Variants in CLUAP1 observed in about 807,000 individuals in gnomAD.
CLUAP1 encodes the protein clusterin-associated protein 1.
In CLUAP1, 50 loss-of-function variants were observed where a neutral mutation model predicts 55.0. That is an observed-to-expected ratio of 0.91 (90% CI 0.72 to 1.15). The LOEUF (loss-of-function observed/expected upper bound fraction) is 1.15. CLUAP1 is among the 50% of genes most tolerant of loss of function. CLUAP1 has a pLI of 0.00. For missense variants in CLUAP1, 530 were observed against 507.6 expected (o/e 1.04, Z -0.42); for synonymous variants, 195 against 175.4 (o/e 1.11, Z -0.88).
chr16:3,499,399 G>C (rs1411148842), upstream of CLUAP1, among the ~76,000 whole-genome samples: 1 of 152,206 alleles, frequency 6.6e-6, no homozygotes, highest in Non-Finnish European at 1.5e-5. Context: ...GCATTGTCAA[G>C]AGTTTTTTGT....
rs1297129347 is a variant in CLUAP1 at position 3,504,928 on chromosome 16, A to G, written c.134+97A>G. 3 of 803,134 alleles carry G rather than the reference A, an allele frequency of 3.7e-6. No individual in the cohort carries two copies. The African/African-American group carries it at 5.1e-5, about 14-fold the overall frequency. The allele number at this position is 803,134 out of a possible 1,614,324, so 49.8% of individuals were successfully genotyped here. On this transcript the variant is annotated intron_variant, in intron 2 of 11. Coordinates refer to ENST00000576634, the MANE Select transcript of CLUAP1 (RefSeq NM_015041.3). ...ACACAGCTGTGATGCTGCAAAAGGG[A>G]AAGTTTTTGGAATTTGACAGACCCA...
intron 4 of CLUAP1, among the ~76,000 whole-genome samples, chr16:3,510,147 A>G (rs1472819806): frequency 6.6e-6 from 1 of 152,154 alleles, no homozygotes. Flanking sequence ...GGCATGCGCC[A>G]CCACACCCAG....
intron 3 of CLUAP1, 34 bp from the exon 4 acceptor site, chr16:3,508,255 C>A: frequency 6.5e-7 from 1 of 1,546,544 alleles, no homozygotes; most frequent in East Asian, 2.3e-5. Flanking sequence ...ATGGAAAGGG[C>A]CTTCAACTTT....
intron 8 of CLUAP1, among the ~76,000 whole-genome samples, chr16:3,525,887 TAATC>T (rs2037931913): frequency 3.3e-5 from 5 of 152,138 alleles, no homozygotes; most frequent in Admixed American, 3.3e-4. Context: ...TTCTTGATAA[TAATC>T]AAGGCCACAT....
chr16:3,530,006 T>A (rs2038083059), intron 9 of CLUAP1, among the ~76,000 whole-genome samples: 1 of 145,226 alleles, frequency 6.9e-6, no homozygotes, highest in Non-Finnish European at 1.5e-5. Context: ...ATCAGAAACT[T>A]ACTTGTCTGA....
chr16:3,529,817 A>T (rs1465735815), intron 9 of CLUAP1, among the ~76,000 whole-genome samples: 7 of 42,766 alleles, frequency 1.6e-4, no homozygotes, highest in African/African-American at 7.9e-4. Flanking sequence ...TATATATTAT[A>T]ATATAATATA....
At chr16:3,529,657 ATATTATATATTATTAT>A (rs2038048497) in intron 9 of CLUAP1, among the ~76,000 whole-genome samples, 6 of 18,194 alleles carry the variant, frequency 3.3e-4, no homozygotes, top group Admixed American at 1.1e-3. Flanking sequence ...ATATTATTAT[ATATTATATATTATTAT>A]ATATTATATA....
intron 4 of CLUAP1, among the ~76,000 whole-genome samples, chr16:3,511,897 CTG>C (rs1318299334): frequency 2.6e-5 from 4 of 152,128 alleles, no homozygotes; most frequent in Admixed American, 2.0e-4. Flanking sequence ...TGTTAAAAAT[CTG>C]TGGCTGGCCG....
intron 6 of CLUAP1, 141 bp downstream of exon 6, chr16:3,515,732 T>G: frequency 2.0e-6 from 1 of 507,166 alleles, no homozygotes; most frequent in Non-Finnish European, 3.4e-6. Context: ...AAGAGGACAT[T>G]CGAGCTTACC....
intron 1 of CLUAP1, 69 bp downstream of exon 1, chr16:3,501,158 C>T (rs2037390451): frequency 6.8e-7 from 1 of 1,480,006 alleles, no homozygotes; most frequent in African/African-American, 1.4e-5. Context: ...CCGCCGGGTC[C>T]CCTGTGTAGG....
chr16:3,527,292 G>A (rs375241656), intron 9 of CLUAP1, among the ~76,000 whole-genome samples: 6 of 151,876 alleles, frequency 4.0e-5, no homozygotes, highest in South Asian at 2.1e-4. Context: ...AATAATCCTC[G>A]CTCTACAATC....
intron 1 of CLUAP1, among the ~76,000 whole-genome samples, chr16:3,502,586 T>C (rs1418493023): frequency 6.6e-6 from 1 of 152,210 alleles, no homozygotes; most frequent in Non-Finnish European, 1.5e-5. Context: ...TATGAATTGC[T>C]CTTTTCTACA....
At chr16:3,508,853 C>T (rs753013744) in intron 4 of CLUAP1, among the ~76,000 whole-genome samples, 4 of 151,726 alleles carry the variant, frequency 2.6e-5, no homozygotes, top group Non-Finnish European at 2.9e-5. Flanking sequence ...GATCTTAAAT[C>T]GGGTGATCAG....
chr16:3,509,044 G>A (rs748017890), intron 4 of CLUAP1, among the ~76,000 whole-genome samples: 16 of 151,976 alleles, frequency 1.1e-4, no homozygotes, highest in Admixed American at 7.2e-4. Context: ...ATCCTTTGAT[G>A]CCAAGAGTTC....
intron 10 of CLUAP1, among the ~76,000 whole-genome samples, chr16:3,532,028 G>A (rs139102129): frequency 0.017 from 2,642 of 152,000 alleles, 78 homozygotes; most frequent in African/African-American, 0.054. Flanking sequence ...TAGTAGAGAC[G>A]GGGTTTCACC....
intron 11 of CLUAP1, chr16:3,534,794 A>C (rs1352412913): frequency 1.3e-5 from 2 of 152,274 alleles, no homozygotes; most frequent in Admixed American, 6.5e-5. Flanking sequence ...CTTGGAAGGC[A>C]GATCGAAAGT....
At chr16:3,526,878 T>G (rs1244911384) in intron 9 of CLUAP1, among the ~76,000 whole-genome samples, 1 of 152,122 alleles carries the variant, frequency 6.6e-6, no homozygotes, top group Non-Finnish European at 1.5e-5. Context: ...TGGCCCTAGA[T>G]GTGTGTAGGG....
At chr16:3,533,051 C>T (rs2038160262) in intron 11 of CLUAP1, 2 of 1,506,038 alleles carry the variant, frequency 1.3e-6, no homozygotes, top group Non-Finnish European at 1.8e-6. Flanking sequence ...TGTGCTTGCT[C>T]TGCTTTTTTT....
intron 5 of CLUAP1, 72 bp from the exon 6 acceptor site, chr16:3,515,436 C>A (rs193130378): frequency 3.7e-6 from 4 of 1,091,108 alleles, no homozygotes; most frequent in Non-Finnish European, 5.4e-6. Context: ...TAAGGCACAT[C>A]TAGATCTAGG....
Sources: gnomAD v4.1 joint callset for allele counts (sites outside exome capture counted in the v4.1 genomes callset) on GRCh38, gnomAD v4.1.1 for gene constraint, MANE v1.5 for transcripts, NCBI Gene and HGNC (gene_info 2026-07-23, HGNC 2026-07-21) for gene names.